GPM6A: variants seen among roughly 807,000 people sequenced by gnomAD.
The protein encoded by GPM6A is glycoprotein M6A.
GPM6A carries 7 observed loss-of-function variants against 32.1 expected under a neutral mutation model. That is an observed-to-expected ratio of 0.22 (90% CI 0.12 to 0.41). The LOEUF (loss-of-function observed/expected upper bound fraction) is 0.41. Among genes scored for constraint, GPM6A ranks in the 10% least tolerant of loss-of-function variants. The probability of loss-of-function intolerance (pLI) is 1.00; values close to 1 mark genes in which losing one functional copy is unlikely to be tolerated. For missense variants in GPM6A, 235 were observed against 347.2 expected, an observed-to-expected ratio of 0.68 and a Z score of 2.57; for synonymous variants, 130 against 123.4, an observed-to-expected ratio of 1.05 and a Z score of -0.35.
At chr4:175,922,842 G>T (rs1340265416) in intron 1 of GPM6A, among the ~76,000 whole-genome samples, 1 of 152,090 alleles carries the variant, frequency 6.6e-6, no homozygotes, top group African/African-American at 2.4e-5. Context: ...AATTGAATAT[G>T]AAAAAGCTTT....
At chr4:175,637,182 CAT>C (rs1245461638) in intron 6 of GPM6A, among the ~76,000 whole-genome samples, 2 of 85,714 alleles carry the variant, frequency 2.3e-5, no homozygotes, top group African/African-American at 4.8e-5. Flanking sequence ...ATATATGTGA[CAT>C]ATATCATATA....
chr4:175,932,775 A>C (rs1019276207), intron 1 of GPM6A, among the ~76,000 whole-genome samples: 1 of 152,210 alleles, frequency 6.6e-6, no homozygotes. Context: ...GACTGTAATA[A>C]AATGAATATT....
At chr4:175,700,742 G>A (rs1744833737) in intron 2 of GPM6A, among the ~76,000 whole-genome samples, 1 of 152,084 alleles carries the variant, frequency 6.6e-6, no homozygotes, top group African/African-American at 2.4e-5. Context: ...AAGGGCTCAG[G>A]AGACAAGTTT....
upstream of GPM6A, chr4:175,813,231 G>T: frequency 4.4e-6 from 1 of 226,588 alleles, no homozygotes; most frequent in Non-Finnish European, 7.4e-6. Flanking sequence ...GAAGAGTGAT[G>T]TAAGGGAGGA....
intron 1 of GPM6A, among the ~76,000 whole-genome samples, chr4:175,766,456 A>G (rs1488694546): frequency 2.6e-5 from 4 of 152,126 alleles, no homozygotes; most frequent in Non-Finnish European, 5.9e-5. Flanking sequence ...AATTAAAGCA[A>G]TTTCAATTTA....
At chr4:175,658,954 GAGCTACAGAGATAA>G (rs137939702) in intron 3 of GPM6A, among the ~76,000 whole-genome samples, 8,339 of 152,170 alleles carry the variant, frequency 0.055, 312 homozygotes, top group Non-Finnish European at 0.089. Flanking sequence ...TTCCTACACT[GAGCTACAGAGATAA>G]AGCTACAGAG....
intron 1 of GPM6A, among the ~76,000 whole-genome samples, chr4:175,973,814 G>A (rs555581745): frequency 3.3e-5 from 5 of 152,190 alleles, no homozygotes; most frequent in East Asian, 3.9e-4. Context: ...CTGCGCCACC[G>A]CCGCTTGTCT....
upstream of GPM6A, chr4:175,813,063 C>T: frequency 1.0e-6 from 1 of 983,928 alleles, no homozygotes; most frequent in Non-Finnish European, 1.2e-6. Context: ...TACTTAGTGC[C>T]ATATGACTCT....
chr4:175,924,006 T>C (rs1738753501), intron 1 of GPM6A, among the ~76,000 whole-genome samples: 1 of 152,172 alleles, frequency 6.6e-6, no homozygotes, highest in Non-Finnish European at 1.5e-5. Flanking sequence ...TATTCGAGTA[T>C]TTGTCCTAGG....
chr4:175,705,349 A>T (rs1355840131), intron 1 of GPM6A, among the ~76,000 whole-genome samples: 1 of 152,212 alleles, frequency 6.6e-6, no homozygotes, highest in Non-Finnish European at 1.5e-5. Context: ...GTTAAGCTAA[A>T]ATCTTTTGAC....
chr4:175,790,432 A>C (rs949144746), intron 1 of GPM6A: 1 of 152,192 alleles, frequency 6.6e-6, no homozygotes, highest in African/African-American at 2.4e-5. Context: ...GATCACCATC[A>C]GTTTTTAAAA....
chr4:175,737,229 TGAGACTG>T (rs775759933), intron 1 of GPM6A, among the ~76,000 whole-genome samples: 5 of 152,174 alleles, frequency 3.3e-5, no homozygotes, highest in Non-Finnish European at 5.9e-5. Context: ...AAGGAATTCC[TGAGACTG>T]GGCAATCTAT....
At chr4:175,697,180 A>C (rs892120941) in intron 2 of GPM6A, among the ~76,000 whole-genome samples, 4 of 152,152 alleles carry the variant, frequency 2.6e-5, no homozygotes, top group African/African-American at 9.6e-5. Context: ...AGTCCTTTGG[A>C]GAGCTATTCA....
At chr4:175,718,812 A>G (rs890681981) in intron 1 of GPM6A, among the ~76,000 whole-genome samples, 3 of 152,202 alleles carry the variant, frequency 2.0e-5, no homozygotes, top group Non-Finnish European at 4.4e-5. Context: ...GAATTGGAGC[A>G]TACTTAAAAT....
chr4:175,692,411 T>C (rs369380454), intron 2 of GPM6A, among the ~76,000 whole-genome samples: 7 of 152,194 alleles, frequency 4.6e-5, no homozygotes, highest in African/African-American at 1.4e-4. Flanking sequence ...TGATAGGTTA[T>C]AAATAATGGT....
At chr4:175,941,944 G>A (rs1739425959) in intron 1 of GPM6A, among the ~76,000 whole-genome samples, 1 of 152,202 alleles carries the variant, frequency 6.6e-6, no homozygotes, top group African/African-American at 2.4e-5. Context: ...AGATCCTAGA[G>A]GAATTGCCAC....
intron 1 of GPM6A, among the ~76,000 whole-genome samples, chr4:175,823,893 T>C (rs2877903): frequency 0.83 from 126,495 of 152,180 alleles, 54,009 homozygotes; most frequent in Middle Eastern, 0.96. Flanking sequence ...CTAAAAAGGC[T>C]GGGAGCCTGG....
intron 1 of GPM6A, among the ~76,000 whole-genome samples, chr4:175,737,945 T>G (rs1731729997): frequency 6.6e-6 from 1 of 151,984 alleles, no homozygotes; most frequent in Admixed American, 6.6e-5. Flanking sequence ...TCCCTTTTTT[T>G]TTTTTTTTTG....
At position 175,657,625 on chromosome 4, in the gene GPM6A, T is replaced by C. The variant is rs546522180; in HGVS notation, c.388-5638A>G. ...TCAATAAAATAGCCAAAGGCATGAA[T>C]GAGTGGGGTACCGGACATGAGCCAG... On this transcript the variant is annotated intron_variant, in intron 3 of 6. Coordinates refer to ENST00000393658, the MANE Select transcript of GPM6A (RefSeq NM_201591.3). Among the ~76,000 whole-genome samples the C allele has an allele frequency of 1.4e-4, 22 of 152,256 alleles. 1 individual carries two copies. In the South Asian group the frequency reaches 3.5e-3, roughly 24 times the overall value.
Sources: allele counts gnomAD v4.1 joint callset (sites outside exome capture counted in the v4.1 genomes callset), GRCh38; gene constraint gnomAD v4.1.1; transcripts MANE v1.5; gene names NCBI Gene and HGNC (gene_info 2026-07-23, HGNC 2026-07-21).